Variants in MGMT observed in about 807,000 individuals in gnomAD.
MGMT encodes O-6-methylguanine-DNA methyltransferase, also known as methylated-DNA--protein-cysteine methyltransferase.
In MGMT, 14 loss-of-function variants were observed where a neutral mutation model predicts 15.9. That is an observed-to-expected ratio of 0.88 (90% CI 0.58 to 1.37). MGMT has a LOEUF of 1.37. Ranked by LOEUF, MGMT falls within the 40% of genes most tolerant of loss-of-function variation. The pLI is 0.00. For missense variants in MGMT, 282 were observed against 268.1 expected (o/e 1.05, Z -0.36); for synonymous variants, 130 against 118.2 (o/e 1.10, Z -0.65).
chr10:129,638,461 A>AAAAAG (rs1206037140), intron 2 of MGMT, among the ~76,000 whole-genome samples: 1 of 149,814 alleles, frequency 6.7e-6, no homozygotes, highest in Non-Finnish European at 1.5e-5. Flanking sequence ...AAAAAAGAAA[A>AAAAAG]ATAACTGACG....
At chr10:129,604,335 G>A (rs1302315294) in intron 2 of MGMT, among the ~76,000 whole-genome samples, 1 of 152,122 alleles carries the variant, frequency 6.6e-6, no homozygotes, top group South Asian at 2.1e-4. Context: ...AGTCATGCCT[G>A]TTGTTACACT....
intron 3 of MGMT, among the ~76,000 whole-genome samples, chr10:129,730,629 A>G (rs1012050985): frequency 6.6e-6 from 1 of 152,138 alleles, no homozygotes; most frequent in Non-Finnish European, 1.5e-5. Context: ...CCTCCCTTCT[A>G]TAATTAACCT....
intron 2 of MGMT, among the ~76,000 whole-genome samples, chr10:129,572,054 T>C (rs1448868245): frequency 2.0e-5 from 3 of 152,164 alleles, no homozygotes; most frequent in African/African-American, 7.2e-5. Context: ...GCTATAATCT[T>C]CCTTTAGTCA....
At chr10:129,723,714 A>G (rs894019202) in intron 3 of MGMT, among the ~76,000 whole-genome samples, 4 of 152,208 alleles carry the variant, frequency 2.6e-5, no homozygotes, top group Non-Finnish European at 4.4e-5. Context: ...AAATAACTGG[A>G]CAAAATATCT....
intron 2 of MGMT, among the ~76,000 whole-genome samples, chr10:129,627,956 A>G (rs1459716806): frequency 6.6e-6 from 1 of 152,204 alleles, no homozygotes; most frequent in Non-Finnish European, 1.5e-5. Flanking sequence ...TGTTGTTCCA[A>G]GTTATTAACC....
At chr10:129,639,066 C>T (rs959902461) in intron 2 of MGMT, among the ~76,000 whole-genome samples, 8 of 151,848 alleles carry the variant, frequency 5.3e-5, no homozygotes, top group Non-Finnish European at 1.2e-4. Flanking sequence ...AATATATAGC[C>T]ATGGAAGTAT....
rs1163744182 is a variant in MGMT, at chr10:129,759,315, G to A, written c.388G>A (p.Val130Met). The A allele has an allele frequency of 6.2e-7, 1 of 1,614,206 alleles. No individual in the cohort carries two copies. The highest frequency in any genetic ancestry group is 1.1e-5 in the South Asian group (1 of 91,084). Residue 130 changes from valine to methionine, a missense_variant, in exon 4 of 5, where the codon GTG becomes ATG. Transcript: ENST00000651593. ...LAGNPKAARA[V>M]GGAMRGNPVP... ...AGGCAACCCCAAAGCCGCGCGAGCA[G>A]TGGGAGGAGCAATGAGAGGCAATCC... is the stretch of plus-strand genomic sequence containing the variant.
chr10:129,498,678 C>G (rs1845546783), intron 1 of MGMT, among the ~76,000 whole-genome samples: 1 of 152,146 alleles, frequency 6.6e-6, no homozygotes, highest in African/African-American at 2.4e-5. Context: ...CATCGTTTTT[C>G]TAGCGCTTTC....
chr10:129,583,223 A>T (rs963885497), intron 2 of MGMT, among the ~76,000 whole-genome samples: 1 of 152,262 alleles, frequency 6.6e-6, no homozygotes, highest in Admixed American at 6.5e-5. Context: ...TTAAATTAAC[A>T]TCAAATGGAA....
intron 2 of MGMT, among the ~76,000 whole-genome samples, chr10:129,697,285 A>G (rs1309936594): frequency 1.3e-5 from 2 of 152,224 alleles, no homozygotes; most frequent in Admixed American, 6.5e-5. Flanking sequence ...TGTAGAATAT[A>G]TGCCATCAAG....
intron 2 of MGMT, among the ~76,000 whole-genome samples, chr10:129,559,787 A>G (rs1589866359): frequency 1.3e-5 from 2 of 152,184 alleles, no homozygotes; most frequent in South Asian, 2.1e-4. Context: ...AAACCTACAA[A>G]CTTTTAAAGT....
chr10:129,541,683 AT>A (rs1302543797), intron 2 of MGMT, among the ~76,000 whole-genome samples: 1 of 151,976 alleles, frequency 6.6e-6, no homozygotes, highest in African/African-American at 2.4e-5. Context: ...TCATTCTTTT[AT>A]TTTTTTCACA....
chr10:129,731,399 G>A (rs1848496233), intron 3 of MGMT, among the ~76,000 whole-genome samples: 1 of 115,870 alleles, frequency 8.6e-6, no homozygotes, highest in Non-Finnish European at 1.6e-5. Flanking sequence ...GTCTCGCTCT[G>A]TTGCCCAAGC....
At chr10:129,676,560 CA>C (rs1847788424) in intron 2 of MGMT, among the ~76,000 whole-genome samples, 1 of 152,156 alleles carries the variant, frequency 6.6e-6, no homozygotes, top group African/African-American at 2.4e-5. Flanking sequence ...TGGGCCACAC[CA>C]GGCTCTGCAC....
chr10:129,701,790 CAG>C (rs1848102099), intron 2 of MGMT: 1 of 152,214 alleles, frequency 6.6e-6, no homozygotes. Flanking sequence ...CCGTGTCCAA[CAG>C]GGGCCATTTC....
At chr10:129,602,021 A>G (rs1846829118) in intron 2 of MGMT, among the ~76,000 whole-genome samples, 1 of 152,198 alleles carries the variant, frequency 6.6e-6, no homozygotes, top group Non-Finnish European at 1.5e-5. Context: ...ACAGTTGCAG[A>G]TGTCACATCA....
At chr10:129,599,729 G>T (rs1347825438) in intron 2 of MGMT, among the ~76,000 whole-genome samples, 1 of 152,156 alleles carries the variant, frequency 6.6e-6, no homozygotes, top group East Asian at 1.9e-4. Flanking sequence ...TTCTATAACT[G>T]AATGTTTACA....
intron 2 of MGMT, among the ~76,000 whole-genome samples, chr10:129,610,816 C>G (rs955598241): frequency 6.6e-6 from 1 of 152,216 alleles, no homozygotes; most frequent in African/African-American, 2.4e-5. Context: ...TCATTTGCCT[C>G]TGTCCCTGAC....
At chr10:129,596,151 C>T (rs967197045) in intron 2 of MGMT, among the ~76,000 whole-genome samples, 1 of 150,474 alleles carries the variant, frequency 6.6e-6, no homozygotes, top group Non-Finnish European at 1.5e-5. Context: ...TAAATTTTGA[C>T]ATTATGTGAG....
Sources: gnomAD v4.1 joint callset for allele counts (sites outside exome capture counted in the v4.1 genomes callset) on GRCh38, gnomAD v4.1.1 for gene constraint, MANE v1.5 for transcripts, NCBI Gene and HGNC (gene_info 2026-07-23, HGNC 2026-07-21) for gene names.